AAAS: variants seen among roughly 807,000 people sequenced by gnomAD.
AAAS encodes aladin WD repeat nucleoporin.
A neutral mutation model predicts 75.6 loss-of-function variants in AAAS; 60 were observed. The observed-to-expected ratio is 0.79, with a 90% CI of 0.64 to 0.98. AAAS has a LOEUF of 0.98. AAAS is among the 50% of genes least tolerant of loss of function. The pLI, the probability that AAAS is intolerant of heterozygous loss-of-function variation, is 0.00. For missense variants in AAAS, 658 were observed against 686.9 expected (o/e 0.96, Z 0.47); for synonymous variants, 271 against 265.0 (o/e 1.02, Z -0.22).
intron 15 of AAAS, 50 bp from the exon 16 acceptor site, chr12:53,307,763 C>T: frequency 6.2e-7 from 1 of 1,613,288 alleles, no homozygotes; most frequent in Non-Finnish European, 8.5e-7. Flanking sequence ...AAAGAAGGGC[C>T]ACCTGGCAGA....
At position 53,318,885 on chromosome 12, in the gene AAAS, C is replaced by G. The variant is rs1004942736; in HGVS notation, c.251+1680G>C. 2.6e-5 allele frequency among the ~76,000 whole-genome samples: 4 copies of G among 152,192 alleles called. No homozygotes were observed. In the East Asian group the frequency reaches 7.7e-4, roughly 29 times the overall value. On this transcript the variant is annotated intron_variant, in intron 2 of 15. Coordinates refer to ENST00000209873, the MANE Select transcript of AAAS (RefSeq NM_015665.6). ...AGGAGCCACCAAAAACCCTGAGAAG[C>G]AGCAGCCACAGAAGTAGGAGACAAG...
intron 13 of AAAS, 58 bp from the exon 14 acceptor site, chr12:53,308,191 T>C (rs1405092390): frequency 1.2e-6 from 2 of 1,611,762 alleles, no homozygotes; most frequent in Non-Finnish European, 1.7e-6. Context: ...TCCCAGGACA[T>C]GGGCAGAGGA....
chr12:53,319,859 G>A (rs1421981369), intron 2 of AAAS, among the ~76,000 whole-genome samples: 6 of 139,028 alleles, frequency 4.3e-5, no homozygotes, highest in African/African-American at 1.1e-4. Flanking sequence ...GGTGGCTCAC[G>A]CCTGTAATCC....
chr12:53,317,605 T>G (rs1288599086), intron 2 of AAAS, among the ~76,000 whole-genome samples: 1 of 149,764 alleles, frequency 6.7e-6, no homozygotes, highest in African/African-American at 2.5e-5. Context: ...TAACCAGGCG[T>G]GGTGGTGTGC....
chr12:53,317,556 CAA>C (rs34260054), intron 2 of AAAS, among the ~76,000 whole-genome samples: 13 of 140,782 alleles, frequency 9.2e-5, no homozygotes, highest in African/African-American at 1.1e-4. Context: ...GACTCCGTCT[CAA>C]AAAAAAAAAA....
chr12:53,310,946 A>G (rs1944380119), intron 7 of AAAS, among the ~76,000 whole-genome samples: 1 of 152,172 alleles, frequency 6.6e-6, no homozygotes, highest in Admixed American at 6.5e-5. Context: ...TTTATTATAC[A>G]TAATGCTGTA....
Position 53,308,683 on chromosome 12 carries a change from C to A in AAAS, c.1087+42G>T, listed in dbSNP as rs755341259. On this transcript the variant is annotated intron_variant, in intron 11 of 15. Coordinates refer to ENST00000209873, the MANE Select transcript of AAAS (RefSeq NM_015665.6). Reference sequence around the variant, plus strand: ...TGCATCTTACCAAAGGTTGCTGCCTCCCTCTGACCACCCCAAATACTGAAG... The same window carrying A: ...TGCATCTTACCAAAGGTTGCTGCCTACCTCTGACCACCCCAAATACTGAAG... The A allele has an allele frequency of 1.9e-6, 3 of 1,610,888 alleles. No homozygotes were observed. The South Asian group carries it at 3.3e-5, about 18-fold the overall frequency.
At chr12:53,311,128 T>G (rs1171323971) in intron 7 of AAAS, among the ~76,000 whole-genome samples, 1 of 152,016 alleles carries the variant, frequency 6.6e-6, no homozygotes, top group Non-Finnish European at 1.5e-5. Flanking sequence ...TTTTATTTTT[T>G]GTATAGACAG....
chr12:53,320,431 G>C, intron 2 of AAAS, 134 bp downstream of exon 2: 1 of 1,271,064 alleles, frequency 7.9e-7, no homozygotes, highest in Non-Finnish European at 1.1e-6. Context: ...AATTTCATAT[G>C]ATTTAGGATA....
At position 53,307,608 on chromosome 12, in the gene AAAS, C is replaced by A. The variant is rs1325183331; in HGVS notation, c.1522G>T (p.Gly508Cys). The A allele has an allele frequency of 6.2e-7, 1 of 1,614,148 alleles. No individual in the cohort carries two copies. The highest frequency in any genetic ancestry group is 1.7e-5 in the Admixed American group (1 of 60,026). ...GGCAGGTCATGAATAGAGCCTCCACCCCCAGCAGGGGGTTCCTGGGCCCGC... is the reference window on the plus strand; with the variant it reads ...GGCAGGTCATGAATAGAGCCTCCACACCCAGCAGGGGGTTCCTGGGCCCGC... ...LGRAQEPPAG[G>C]GGSIHDLPLF... Residue 508 changes from glycine to cysteine, a missense_variant, in exon 16 of 16, where the codon GGT (glycine) becomes TGT (cysteine). By Grantham distance (159) the Gly-to-Cys change is radical (BLOSUM62 -3). Coordinates refer to ENST00000209873, the MANE Select transcript of AAAS (RefSeq NM_015665.6).
chr12:53,319,485 A>C (rs974753345), intron 2 of AAAS, among the ~76,000 whole-genome samples: 1 of 152,214 alleles, frequency 6.6e-6, no homozygotes, highest in African/African-American at 2.4e-5. Flanking sequence ...GGCGTGAGTC[A>C]CTGTGCCTGG....
Position 53,321,363 on chromosome 12 carries a change from G to C in AAAS, c.103C>G (p.Pro35Ala), listed in dbSNP as rs745792179. Residue 35 changes from proline (P) to alanine (A), a missense_variant, in exon 1 of 16, where the codon CCC becomes GCC. By Grantham distance (27) the Pro-to-Ala change is conservative. Transcript: ENST00000209873. ...LVTGSSYESPPPDFRGQWINL... is the reference protein window; with the variant it reads ...LVTGSSYESPAPDFRGQWINL... ...GCCACCTGGCCCCGGAAGTCGGGGGGCGGGCTCTCATAGCTACTGCCCGTC... is the reference window on the plus strand; with the variant it reads ...GCCACCTGGCCCCGGAAGTCGGGGGCCGGGCTCTCATAGCTACTGCCCGTC... The C allele has an allele frequency of 6.2e-7, 1 of 1,613,908 alleles. No individual in the cohort carries two copies. The highest frequency in any genetic ancestry group is 8.5e-7 in the Non-Finnish European group (1 of 1,179,976).
Position 53,308,797 on chromosome 12 carries a change from C to T in AAAS, c.1015G>A (p.Asp339Asn). The change falls in exon 11 of 16, where the codon GAT (aspartate) becomes AAT (asparagine). Residue 339 changes from aspartate to asparagine, a missense_variant. Physicochemically the swap from Asp to Asn is conservative, Grantham distance 23. Coordinates refer to ENST00000209873, the MANE Select transcript of AAAS (RefSeq NM_015665.6). The stretch of plus-strand genomic sequence containing the variant: ...ACAGTGAACAGCAGTCGGCTGCCAT[C>T]TGGGCTCCAGCAGCCAGTCTGGGGT... The part of the protein sequence containing the change: ...GRCQTGCWSP[D>N]GSRLLFTVLG... 1 of 1,614,086 alleles carries T rather than the reference C, an allele frequency of 6.2e-7. No individual in the cohort carries two copies. Among genetic ancestry groups the T allele is most frequent in the Non-Finnish European group, 8.5e-7 (1 of 1,180,052 alleles).
At position 53,308,054 on chromosome 12, in the gene AAAS, G is replaced by A. The variant is rs1489635536; in HGVS notation, c.1329C>T (p.Pro443=). Residue 443 remains proline, a splice_region_variant and synonymous_variant, in exon 14 of 16, where the codon CCC becomes CCT. Coordinates refer to ENST00000209873, the MANE Select transcript of AAAS (RefSeq NM_015665.6). The stretch of plus-strand genomic sequence containing the variant: ...CTAAGGGCCCACATGGCACTTACCA[G>A]GGAAGGAGCTCAAACACAGGGCTGT... ...TRNSPVFELL[P]CGIIQGEPGA... is the part of the protein sequence containing the mutation. 6.2e-7 allele frequency: 1 copy of A among 1,614,240 alleles called. No homozygotes were observed. The highest frequency in any genetic ancestry group is 8.5e-7 in the Non-Finnish European group (1 of 1,180,048).
intron 2 of AAAS, among the ~76,000 whole-genome samples, chr12:53,316,266 A>G (rs1944458911): frequency 6.6e-6 from 1 of 151,918 alleles, no homozygotes; most frequent in Non-Finnish European, 1.5e-5. Flanking sequence ...CCTGGCCAAC[A>G]TGGTAAAACC....
intron 12 of AAAS, 26 bp from the exon 13 acceptor site, chr12:53,308,375 G>A (rs769993942): frequency 1.9e-6 from 3 of 1,614,142 alleles, no homozygotes; most frequent in Non-Finnish European, 2.5e-6. Flanking sequence ...GGTTAGGAGA[G>A]TTTCAGTGTG....
At position 53,308,065 on chromosome 12, in the gene AAAS, C is replaced by G. The variant is rs1170261500; in HGVS notation, c.1318G>C (p.Glu440Gln). ...LFRTRNSPVF[E>Q]LLPCGIIQGE... is the part of the protein sequence containing the mutation. ...CATGGCACTTACCAGGGAAGGAGCT[C>G]AAACACAGGGCTGTTTCGAGTGCGA... The change falls in exon 14 of 16, where the codon GAG becomes CAG. Residue 440 changes from glutamate to glutamine, a missense_variant. Coordinates refer to ENST00000209873, the MANE Select transcript of AAAS (RefSeq NM_015665.6). The G allele has an allele frequency of 6.2e-7, 1 of 1,614,188 alleles. No individual in the cohort carries two copies. The highest frequency in any genetic ancestry group is 8.5e-7 in the Non-Finnish European group (1 of 1,180,030).
intron 8 of AAAS, 119 bp downstream of exon 8, chr12:53,309,482 G>T: frequency 6.4e-7 from 1 of 1,569,444 alleles, no homozygotes; most frequent in Non-Finnish European, 8.7e-7. Context: ...TCCTCTCTGG[G>T]TAAGTTTAAG....
At chr12:53,317,328 C>A (rs1281739033) in intron 2 of AAAS, among the ~76,000 whole-genome samples, 2 of 151,866 alleles carry the variant, frequency 1.3e-5, no homozygotes, top group African/African-American at 2.4e-5. Context: ...GAGGCTGAGG[C>A]GGGCGGATCA....
Sources: gnomAD v4.1 joint callset for allele counts (sites outside exome capture counted in the v4.1 genomes callset) on GRCh38, gnomAD v4.1.1 for gene constraint, MANE v1.5 for transcripts, NCBI Gene and HGNC (gene_info 2026-07-23, HGNC 2026-07-21) for gene names.